The following PPM1H variants were observed in gnomAD, a reference collection of about 807,000 sequenced individuals.
PPM1H encodes protein phosphatase 1H.
PPM1H carries 27 observed loss-of-function variants against 54.9 expected under a neutral mutation model. The observed-to-expected ratio is 0.49, with a 90% confidence interval of 0.36 to 0.68. The LOEUF (loss-of-function observed/expected upper bound fraction) is 0.68, where lower values mean the gene tolerates loss of function less well. Among genes scored for constraint, PPM1H ranks in the 30% least tolerant of loss-of-function variants. PPM1H has a pLI of 0.00. For synonymous variants in PPM1H, 305 were observed against 270.8 expected, an observed-to-expected ratio of 1.13 and a Z score of -1.24; for missense variants, 596 against 667.8, an observed-to-expected ratio of 0.89 and a Z score of 1.19.
chr12:62,765,955 A>G (rs2076540228), intron 4 of PPM1H, among the ~76,000 whole-genome samples: 1 of 152,238 alleles, frequency 6.6e-6, no homozygotes, highest in South Asian at 2.1e-4. Context: ...TCTGGACTTC[A>G]GTCTGAAGAT....
intron 5 of PPM1H, among the ~76,000 whole-genome samples, chr12:62,726,843 G>A (rs894307875): frequency 6.6e-6 from 1 of 152,126 alleles, no homozygotes; most frequent in Non-Finnish European, 1.5e-5. Context: ...TTTTACTTTG[G>A]ATTTACCATA....
intron 1 of PPM1H, among the ~76,000 whole-genome samples, chr12:62,866,456 G>T (rs1869779183): frequency 6.6e-6 from 1 of 152,180 alleles, no homozygotes; most frequent in Non-Finnish European, 1.5e-5. Flanking sequence ...GGAAGAGTGT[G>T]TAAACAGGTG....
intron 8 of PPM1H, among the ~76,000 whole-genome samples, chr12:62,672,843 C>T (rs2075964118): frequency 6.6e-6 from 1 of 152,192 alleles, no homozygotes; most frequent in Non-Finnish European, 1.5e-5. Flanking sequence ...ATTTGTATTT[C>T]CTCTGTGGGT....
chr12:62,739,433 A>T (rs2076369853), intron 4 of PPM1H, among the ~76,000 whole-genome samples: 1 of 152,234 alleles, frequency 6.6e-6, no homozygotes, highest in Non-Finnish European at 1.5e-5. Flanking sequence ...GTTTGGGCCT[A>T]ATCTTACAGG....
chr12:62,911,169 A>G (rs1871447635), intron 1 of PPM1H, among the ~76,000 whole-genome samples: 1 of 152,170 alleles, frequency 6.6e-6, no homozygotes, highest in Non-Finnish European at 1.5e-5. Context: ...TGTATCAGAT[A>G]TGTGGTCCCT....
intron 2 of PPM1H, among the ~76,000 whole-genome samples, chr12:62,808,534 C>T (rs1445069295): frequency 6.6e-6 from 1 of 152,126 alleles, no homozygotes; most frequent in Non-Finnish European, 1.5e-5. Context: ...TGGGCTGGCT[C>T]CTGTCCGTGA....
At chr12:62,845,845 C>T (rs1253530945) in intron 1 of PPM1H, among the ~76,000 whole-genome samples, 1 of 152,152 alleles carries the variant, frequency 6.6e-6, no homozygotes, top group African/African-American at 2.4e-5. Context: ...ATATTCATTT[C>T]TCCTTCCTTC....
In PPM1H at chr12:62,756,320, C is replaced by G. The variant is rs370328802; in HGVS notation, c.870-18734G>C. ...GAAGTCCCTGCCATACTCAGTCCCC[C>G]ACAACACTGAGAATCTCCCTTTCTC... On this transcript the variant is annotated intron_variant, in intron 4 of 9. Transcript: ENST00000228705. The G allele has an allele frequency of 2.3e-5, 12 of 524,872 alleles. No homozygotes were observed. In the Admixed American group the frequency reaches 3.1e-4, roughly 14 times the overall value. 32.5% of individuals were successfully genotyped at this position (524,872 alleles called of 1,614,324 possible).
chr12:62,924,540 G>A (rs970214698), intron 1 of PPM1H, among the ~76,000 whole-genome samples: 2 of 152,122 alleles, frequency 1.3e-5, no homozygotes, highest in East Asian at 1.9e-4. Context: ...AAGGAGATGC[G>A]AATTTACTAC....
intron 1 of PPM1H, among the ~76,000 whole-genome samples, chr12:62,915,561 C>T (rs1056255487): frequency 1.2e-4 from 18 of 152,218 alleles, no homozygotes; most frequent in African/African-American, 3.1e-4. Flanking sequence ...CCAGGTTTTA[C>T]CTGAGAAGGA....
intron 6 of PPM1H, among the ~76,000 whole-genome samples, chr12:62,711,911 T>C (rs554360993): frequency 3.9e-5 from 6 of 152,222 alleles, no homozygotes; most frequent in East Asian, 1.9e-4. Context: ...AAAGACCCCA[T>C]AGCTTCCACT....
chr12:62,737,427 C>G lies in PPM1H; in HGVS notation c.954+75G>C, dbSNP rs543239948. Reference sequence around the variant, plus strand: ...GGTGAGCCTGCTCCCATGTCAGTAGCAACGTGTTCCTCCAGAACAGCTCCG... The same window carrying G: ...GGTGAGCCTGCTCCCATGTCAGTAGGAACGTGTTCCTCCAGAACAGCTCCG... On this transcript the variant is annotated intron_variant, in intron 5 of 9. Transcript: ENST00000228705. 1.9e-5 allele frequency: 19 copies of G among 998,320 alleles called. No individual in the cohort carries two copies. The African/African-American group carries it at 3.0e-4, about 16-fold the overall frequency. The allele number at this position is 998,320 out of a possible 1,614,324, so 61.8% of individuals were successfully genotyped here. A position where few individuals can be genotyped will look rare whatever the true frequency, so the allele number is the denominator to read the frequency against.
In PPM1H at chr12:62,804,676, C is replaced by CTTT. The variant is rs759291510; in HGVS notation, c.412-2519_412-2517dup. On this transcript the variant is annotated intron_variant, in intron 2 of 9. Coordinates refer to ENST00000228705, the MANE Select transcript of PPM1H (RefSeq NM_020700.2). ...CATTTTGGTTAATTTCTTTTTTTTT[C>CTTT]TTTTTTTTTTTTTTTTTGAGACGGA... 1.3e-3 allele frequency among the ~76,000 whole-genome samples: 152 copies of CTTT among 116,184 alleles called. 1 individual carries two copies. The highest frequency in any genetic ancestry group is 2.1e-3 in the South Asian group (7 of 3,324). The allele number at this position is 116,184 out of a possible 152,430, so 76.2% of individuals were successfully genotyped here. A position where few individuals can be genotyped will look rare whatever the true frequency, so the allele number is the denominator to read the frequency against.
chr12:62,716,296 G>A (rs2120444347), intron 6 of PPM1H, among the ~76,000 whole-genome samples: 1 of 152,268 alleles, frequency 6.6e-6, no homozygotes, highest in South Asian at 2.1e-4. Flanking sequence ...ATGTAACCTT[G>A]AGCAACTTAG....
At chr12:62,860,229 C>T (rs763547043) in intron 1 of PPM1H, among the ~76,000 whole-genome samples, 1 of 152,092 alleles carries the variant, frequency 6.6e-6, no homozygotes, top group Non-Finnish European at 1.5e-5. Context: ...CATTAGATCT[C>T]GTGAGAACTC....
intron 3 of PPM1H, among the ~76,000 whole-genome samples, chr12:62,791,393 C>T (rs984636360): frequency 2.6e-5 from 4 of 152,098 alleles, no homozygotes; most frequent in Admixed American, 2.0e-4. Flanking sequence ...AAAAACAGAA[C>T]CCCAAACCCT....
intron 2 of PPM1H, 53 bp from the exon 3 acceptor site, chr12:62,802,213 G>C: frequency 7.1e-7 from 1 of 1,407,786 alleles, no homozygotes; most frequent in East Asian, 2.5e-5. Context: ...CTTTGCCTCA[G>C]GGTCATACAG....
chr12:62,715,221 A>G (rs564022122), intron 6 of PPM1H, among the ~76,000 whole-genome samples: 3 of 152,330 alleles, frequency 2.0e-5, no homozygotes, highest in East Asian at 3.9e-4. Context: ...TGCCAGCTAC[A>G]GTGTGCATCC....
rs187364584 is a variant in PPM1H at position 62,825,601 on chromosome 12, G to A, written c.411+6513C>T. On this transcript the variant is annotated intron_variant, in intron 2 of 9. Transcript: ENST00000228705. ...CTTTGCAGGGACATGGATGAAACTG[G>A]AAACCATCATTCTGAGCAAACTATC... Among the ~76,000 whole-genome samples, 1,292 of 152,218 alleles carry A rather than the reference G, an allele frequency of 8.5e-3. 13 individuals carry two copies. The highest frequency in any genetic ancestry group is 0.014 in the Non-Finnish European group (934 of 68,020).
Sources: gnomAD v4.1 joint callset for allele counts (sites outside exome capture counted in the v4.1 genomes callset) on GRCh38, gnomAD v4.1.1 for gene constraint, MANE v1.5 for transcripts, NCBI Gene and HGNC (gene_info 2026-07-23, HGNC 2026-07-21) for gene names.